The following STEAP3 variants were observed in gnomAD, a reference collection of about 807,000 sequenced individuals.
The protein encoded by STEAP3 is STEAP3 metalloreductase, also known as metalloreductase STEAP3.
In STEAP3, 35 loss-of-function variants were observed where a neutral mutation model predicts 34.9. The observed-to-expected ratio is 1.00, with a 90% CI of 0.76 to 1.33. The LOEUF (loss-of-function observed/expected upper bound fraction) is 1.33, where lower values mean the gene tolerates loss of function less well. STEAP3 is among the 40% of genes most tolerant of loss of function. The pLI, the probability that STEAP3 is intolerant of heterozygous loss-of-function variation, is 0.00. For missense variants in STEAP3, 652 were observed against 667.6 expected (o/e 0.98, Z 0.26); for synonymous variants, 281 against 301.6 (o/e 0.93, Z 0.71).
intron 4 of STEAP3, among the ~76,000 whole-genome samples, chr2:119,253,094 T>C (rs1471815659): frequency 2.0e-5 from 3 of 152,116 alleles, no homozygotes; most frequent in Non-Finnish European, 2.9e-5. Context: ...TGCACGCCTT[T>C]CCAGCTAATG....
chr2:119,264,854 AG>A lies in STEAP3; in HGVS notation c.*1519del, dbSNP rs1361705367. ...TGAGCTCATGTCTATGCAGCACATA[AG>A]GGTTCTTCAGTGAAAAGCAGGAGAA... On this transcript the variant is annotated 3_prime_UTR_variant, in exon 6 of 6. Transcript: ENST00000393110. The A allele has an allele frequency of 2.7e-5, 4 of 150,824 alleles. No homozygotes were observed. Among genetic ancestry groups the A allele is most frequent in the Admixed American group, 6.6e-5 (1 of 15,140 alleles). 9.3% of individuals were successfully genotyped at this position (150,824 alleles called of 1,614,324 possible).
chr2:119,239,564 T>G, intron 2 of STEAP3: 1 of 152,436 alleles, frequency 6.6e-6, no homozygotes, highest in African/African-American at 2.4e-5. Context: ...CCCAGGGACA[T>G]GCACTGTTGA....
chr2:119,261,745 G>A (rs957481375), intron 5 of STEAP3, among the ~76,000 whole-genome samples: 1 of 152,164 alleles, frequency 6.6e-6, no homozygotes, highest in African/African-American at 2.4e-5. Context: ...ACGAGAACTC[G>A]TACATGCCAA....
intron 2 of STEAP3, among the ~76,000 whole-genome samples, chr2:119,242,979 G>A (rs142284889): frequency 2.6e-5 from 4 of 152,174 alleles, no homozygotes; most frequent in South Asian, 2.1e-4. Flanking sequence ...CCCAGGAAAC[G>A]CTCCCAGAAC....
intron 5 of STEAP3, among the ~76,000 whole-genome samples, chr2:119,261,122 G>T (rs1024923915): frequency 3.9e-5 from 6 of 152,122 alleles, no homozygotes; most frequent in African/African-American, 1.4e-4. Context: ...CACTGTCCTG[G>T]TGTCTGTCCT....
At chr2:119,250,421 G>C (rs1677588978) in intron 4 of STEAP3, among the ~76,000 whole-genome samples, 1 of 152,198 alleles carries the variant, frequency 6.6e-6, no homozygotes, top group African/African-American at 2.4e-5. Flanking sequence ...CTGATGTGTA[G>C]ATCAAGCTCT....
Position 119,244,215 on chromosome 2 carries a change from CTTTTATTATTATTATTAT to C in STEAP3, c.23-1272_23-1255del, listed in dbSNP as rs1318598958. 9.0e-5 allele frequency among the ~76,000 whole-genome samples: 13 copies of C among 143,856 alleles called. No homozygotes were observed. In the Admixed American group the frequency reaches 9.1e-4, roughly 10 times the overall value. 94.4% of individuals were successfully genotyped at this position (143,856 alleles called of 152,430 possible). On this transcript the variant is annotated intron_variant, in intron 2 of 5. Coordinates refer to ENST00000393110, the MANE Select transcript of STEAP3 (RefSeq NM_182915.3). ...AATGTCTACCATAATTTTATTTTTACTTTTATTATTATTATTATTATTATTATTATTATTATTATTATT... is the reference window on the plus strand; with the variant it reads ...AATGTCTACCATAATTTTATTTTTACTATTATTATTATTATTATTATTATT...
rs771841410 is a variant in STEAP3, at chr2:119,263,246, G to A, written c.1405G>A (p.Ala469Thr). 1.6e-5 allele frequency: 26 copies of A among 1,613,984 alleles called. No homozygotes were observed. Among genetic ancestry groups the A allele is most frequent in the Middle Eastern group, 1.6e-4 (1 of 6,084 alleles). Residue 469 changes from alanine to threonine, a missense_variant, in exon 6 of 6, where the codon GCC becomes ACC. Transcript: ENST00000393110. ...FLLPCISRRL[A>T]RIRRGWERES... ...CCTGCCCTGCATCAGCCGCAGACTC[G>A]CCAGGATCCGGAGAGGCTGGGAGAG... is the stretch of plus-strand genomic sequence containing the variant.
chr2:119,231,384 T>TGTG (rs1558742239), intron 2 of STEAP3, among the ~76,000 whole-genome samples: 5 of 144,660 alleles, frequency 3.5e-5, no homozygotes, highest in Admixed American at 6.9e-5. Flanking sequence ...TGTGTGTGTG[T>TGTG]TTAAGGATGT....
rs555150126 is a variant in STEAP3, at chr2:119,247,614, C to T, written c.523-65C>T. ...CTGGCCCTCGGTTTCCTCAGCTGCT[C>T]AGTGAGGCCCTGCCCACTCCTGTGG... On this transcript the variant is annotated intron_variant, in intron 3 of 5. Coordinates refer to ENST00000393110, the MANE Select transcript of STEAP3 (RefSeq NM_182915.3). The T allele has an allele frequency of 2.0e-6, 3 of 1,466,574 alleles. No homozygotes were observed. In the South Asian group the frequency reaches 4.2e-5, roughly 21 times the overall value. 90.8% of individuals were successfully genotyped at this position (1,466,574 alleles called of 1,614,324 possible). A position where few individuals can be genotyped will look rare whatever the true frequency, so the allele number is the denominator to read the frequency against.
In STEAP3 at chr2:119,263,380, G is replaced by C. The variant is rs370568683; in HGVS notation, c.*42G>C. ...TCTGGACCCCGGGCACACGAGGGAC[G>C]GTGCCCTGAGCCCGTTAGGTTTTCT... is the stretch of plus-strand genomic sequence containing the variant. On this transcript the variant is annotated 3_prime_UTR_variant, in exon 6 of 6. Coordinates refer to ENST00000393110, the MANE Select transcript of STEAP3 (RefSeq NM_182915.3). 2.5e-6 allele frequency: 4 copies of C among 1,591,142 alleles called. No homozygotes were observed. The African/African-American group carries it at 5.4e-5, about 21-fold the overall frequency.
chr2:119,236,112 T>G (rs1677088246), intron 2 of STEAP3, among the ~76,000 whole-genome samples: 2 of 152,204 alleles, frequency 1.3e-5, no homozygotes, highest in African/African-American at 4.8e-5. Context: ...TTTAGAAGAT[T>G]TTAAAGTAAA....
At chr2:119,239,734 C>T (rs1317825842) in intron 2 of STEAP3, among the ~76,000 whole-genome samples, 2 of 152,174 alleles carry the variant, frequency 1.3e-5, no homozygotes, top group African/African-American at 4.8e-5. Context: ...AGTCAGTACC[C>T]TTGTCAGGAG....
At chr2:119,232,743 T>C (rs538113554) in intron 2 of STEAP3, among the ~76,000 whole-genome samples, 1 of 152,284 alleles carries the variant, frequency 6.6e-6, no homozygotes, top group African/African-American at 2.4e-5. Context: ...TTAGTTTTAA[T>C]ACTAACATTA....
chr2:119,246,211 T>C, intron 3 of STEAP3: 1 of 601,588 alleles, frequency 1.7e-6, no homozygotes, highest in Admixed American at 3.1e-5. Flanking sequence ...CCTATGGATC[T>C]GAAACCCATG....
chr2:119,256,256 G>A lies in STEAP3; in HGVS notation c.1215+1408G>A, dbSNP rs577622223. 4.6e-5 allele frequency among the ~76,000 whole-genome samples: 7 copies of A among 152,306 alleles called. 1 individual carries two copies. Among genetic ancestry groups the A allele is most frequent in the African/African-American group, 1.7e-4 (7 of 41,544 alleles). ...TGTAGCCGTGTGTTTTTTAAAGTGT[G>A]TCTGCCTCTGAATCTCCCTGGCTCT... On this transcript the variant is annotated intron_variant, in intron 5 of 5. Coordinates refer to ENST00000393110, the MANE Select transcript of STEAP3 (RefSeq NM_182915.3).
rs1368611942 is a variant in STEAP3 at position 119,254,854 on chromosome 2, G to T, written c.1215+6G>T. On this transcript the variant is annotated splice_donor_region_variant and intron_variant, in intron 5 of 5. Coordinates refer to ENST00000393110, the MANE Select transcript of STEAP3 (RefSeq NM_182915.3). The stretch of plus-strand genomic sequence containing the variant: ...GGGAGTTCAGCTTCGTTCAGGTAAA[G>T]TAGTCTCTAGTCTGCCAGCCAGCTT... The T allele has an allele frequency of 6.2e-7, 1 of 1,612,934 alleles. No homozygotes were observed. The highest frequency in any genetic ancestry group is 8.5e-7 in the Non-Finnish European group (1 of 1,179,228).
chr2:119,254,632 G>T, intron 4 of STEAP3, 52 bp from the exon 5 acceptor site: 1 of 1,605,290 alleles, frequency 6.2e-7, no homozygotes, highest in Middle Eastern at 1.7e-4. Flanking sequence ...TTGCCCTCCC[G>T]GGGCACCAGC....
At chr2:119,259,618 C>T (rs1008795879) in intron 5 of STEAP3, among the ~76,000 whole-genome samples, 9 of 152,218 alleles carry the variant, frequency 5.9e-5, no homozygotes, top group Admixed American at 6.5e-5. Context: ...CACACTGTCC[C>T]TGTGCAGAGC....
Sources: gnomAD v4.1 joint callset for allele counts (sites outside exome capture counted in the v4.1 genomes callset) on GRCh38, gnomAD v4.1.1 for gene constraint, MANE v1.5 for transcripts, NCBI Gene and HGNC (gene_info 2026-07-23, HGNC 2026-07-21) for gene names.